IL17D: variants seen among roughly 807,000 people sequenced by gnomAD.
The protein encoded by IL17D is interleukin 17D, also known as interleukin-17D.
IL17D carries 10 observed loss-of-function variants against 5.7 expected under a neutral mutation model. The observed-to-expected ratio is 1.75, with a 90% confidence interval of 1.08 to 2.97. IL17D has a LOEUF of 2.97. IL17D is among the 30% of genes most tolerant of loss of function. The probability of loss-of-function intolerance (pLI) is 0.00; values close to 1 mark genes in which losing one functional copy is unlikely to be tolerated. For missense variants in IL17D, 354 were observed against 292.7 expected (o/e 1.21, Z -1.53); for synonymous variants, 172 against 141.7 (o/e 1.21, Z -1.52).
At chr13:20,719,697 G>T (rs148115568) in intron 1 of IL17D, among the ~76,000 whole-genome samples, 1 of 152,202 alleles carries the variant, frequency 6.6e-6, no homozygotes, top group Non-Finnish European at 1.5e-5. Context: ...AAAATGAACA[G>T]ACACGACACT....
At chr13:20,718,729 T>C (rs764405840) in intron 1 of IL17D, among the ~76,000 whole-genome samples, 1 of 52,040 alleles carries the variant, frequency 1.9e-5, no homozygotes, top group African/African-American at 6.4e-5. Flanking sequence ...CTTACACACA[T>C]GGCTACGCTC....
chr13:20,721,525 C>T, intron 1 of IL17D, 111 bp from the exon 2 acceptor site: 1 of 854,242 alleles, frequency 1.2e-6, no homozygotes, highest in Non-Finnish European at 1.7e-6. Context: ...CGCCCGCAGG[C>T]GGAGGACAGG....
intron 1 of IL17D, 29 bp downstream of exon 1, chr13:20,704,320 C>T: frequency 1.8e-6 from 2 of 1,122,470 alleles, no homozygotes; most frequent in Non-Finnish European, 2.2e-6. Context: ...CTGGCGGGGC[C>T]CGGCAGGTGG....
chr13:20,710,451 T>TA (rs60458842), intron 1 of IL17D, among the ~76,000 whole-genome samples: 979 of 83,468 alleles, frequency 0.012, 32 homozygotes, highest in African/African-American at 0.036. Context: ...CCATCTCTAC[T>TA]AAAAAAAAAA....
Position 20,704,119 on chromosome 13 carries a change from G to C in IL17D, c.118G>C (p.Glu40Gln). 7.6e-7 allele frequency: 1 copy of C among 1,313,010 alleles called. No homozygotes were observed. The highest frequency in any genetic ancestry group is 1.7e-5 in the South Asian group (1 of 59,778). The allele number at this position is 1,313,010 out of a possible 1,614,324, so 81.3% of individuals were successfully genotyped here. A position where few individuals can be genotyped will look rare whatever the true frequency, so the allele number is the denominator to read the frequency against. Residue 40 changes from glutamate to glutamine, a missense_variant, in exon 1 of 2, where the codon GAG becomes CAG. Coordinates refer to ENST00000682841, the MANE Select transcript of IL17D (RefSeq NM_001385224.1). ...CGCGGACCGGCCGGAGGAGCTACTGGAGCAGCTGTACGGGCGCCTGGCGGC... is the reference window on the plus strand; with the variant it reads ...CGCGGACCGGCCGGAGGAGCTACTGCAGCAGCTGTACGGGCGCCTGGCGGC... ...GCADRPEELL[E>Q]QLYGRLAAGV...
intron 1 of IL17D, among the ~76,000 whole-genome samples, chr13:20,706,084 C>T (rs921682805): frequency 2.6e-5 from 4 of 152,306 alleles, no homozygotes; most frequent in Non-Finnish European, 5.9e-5. Context: ...GGCTACTCTG[C>T]AGAGGACCAA....
chr13:20,713,809 A>G (rs1319440248), intron 1 of IL17D: 1 of 152,270 alleles, frequency 6.6e-6, no homozygotes. Context: ...CAATGAGCAC[A>G]CTGCTCACTA....
chr13:20,718,972 A>C (rs2058709644), intron 1 of IL17D, among the ~76,000 whole-genome samples: 1 of 142,148 alleles, frequency 7.0e-6, no homozygotes, highest in Non-Finnish European at 1.5e-5. Flanking sequence ...GCCCACGCTC[A>C]GACACACCTG....
At chr13:20,715,084 C>T (rs1335899014) in intron 1 of IL17D, among the ~76,000 whole-genome samples, 4 of 152,190 alleles carry the variant, frequency 2.6e-5, no homozygotes, top group African/African-American at 9.7e-5. Flanking sequence ...TGGGCTTGCT[C>T]CAAAGGGAAA....
chr13:20,704,213 G>C lies in IL17D; in HGVS notation c.212G>C (p.Cys71Ser), dbSNP rs1239995896. 1.2e-5 allele frequency: 16 copies of C among 1,367,444 alleles called. No homozygotes were observed. The highest frequency in any genetic ancestry group is 1.5e-5 in the Non-Finnish European group (16 of 1,055,680). The allele number at this position is 1,367,444 out of a possible 1,614,324, so 84.7% of individuals were successfully genotyped here. A position where few individuals can be genotyped will look rare whatever the true frequency, so the allele number is the denominator to read the frequency against. The change falls in exon 1 of 2, where the codon TGC becomes TCC. Residue 71 changes from cysteine (C) to serine (S), a missense_variant. Cys to Ser is a moderately radical substitution (Grantham distance 112, BLOSUM62 -1). Coordinates refer to ENST00000682841, the MANE Select transcript of IL17D (RefSeq NM_001385224.1). ...GPREQARNAS[C>S]PAGGRPADRR... ...CGTGAGCAGGCGCGCAACGCGAGCT[G>C]CCCGGCAGGGGGCAGGCCCGCCGAC... is the stretch of plus-strand genomic sequence containing the variant.
rs1360208897 is a variant in IL17D at position 20,704,148 on chromosome 13, C to A, written c.147C>A (p.Gly49=). 29 of 1,353,942 alleles carry A rather than the reference C, an allele frequency of 2.1e-5. No individual in the cohort carries two copies. Among genetic ancestry groups the A allele is most frequent in the Admixed American group, 5.4e-5 (2 of 37,232 alleles). The allele number at this position is 1,353,942 out of a possible 1,614,324, so 83.9% of individuals were successfully genotyped here. ...AGCTGTACGGGCGCCTGGCGGCCGG[C>A]GTGCTCAGTGCCTTCCACCACACGC... ...LEQLYGRLAA[G]VLSAFHHTLQ... The change falls in exon 1 of 2, where the codon GGC becomes GGA. Residue 49 remains glycine, a synonymous_variant. Transcript: ENST00000682841.
At chr13:20,703,522 A>G, upstream of IL17D, 1 of 744,442 alleles carries the variant, frequency 1.3e-6, no homozygotes, top group Non-Finnish European at 1.6e-6. Context: ...GGGCGGGCGG[A>G]TGACGAGGCG....
At chr13:20,720,874 A>ACCCCCCCCCCCCCCCCCCCCCCCCCC (rs67735251) in intron 1 of IL17D, among the ~76,000 whole-genome samples, 4 of 75,716 alleles carry the variant, frequency 5.3e-5, no homozygotes, top group Admixed American at 1.6e-4. Context: ...CTCCCTCCCA[A>ACCCCCCCCCCCCCCCCCCCCCCCCCC]CCCCCCCCCC....
At chr13:20,718,520 AC>A (rs201656110) in intron 1 of IL17D, among the ~76,000 whole-genome samples, 2,946 of 42,692 alleles carry the variant, frequency 0.069, 169 homozygotes, top group African/African-American at 0.17. Context: ...AGACACACTT[AC>A]CCCCCACCCA....
intron 1 of IL17D, among the ~76,000 whole-genome samples, chr13:20,707,440 CAAAAAAAAAAAAAA>C (rs57118714): frequency 4.0e-5 from 3 of 75,832 alleles, no homozygotes; most frequent in African/African-American, 5.1e-5. Context: ...GAACTTGTCT[CAAAAAAAAAAAAAA>C]AAAAAAAAAA....
At chr13:20,717,560 G>A (rs1270238461) in intron 1 of IL17D, among the ~76,000 whole-genome samples, 2 of 152,168 alleles carry the variant, frequency 1.3e-5, no homozygotes, top group Admixed American at 1.3e-4. Flanking sequence ...CCAGGCCCCC[G>A]CTGGATCCTT....
rs1173694522 is a variant in IL17D at position 20,722,436 on chromosome 13, T to C, written c.*482T>C. 2 of 153,584 alleles carry C rather than the reference T, an allele frequency of 1.3e-5. No homozygotes were observed. Among genetic ancestry groups the C allele is most frequent in the African/African-American group, 4.8e-5 (2 of 41,550 alleles). 9.5% of individuals were successfully genotyped at this position (153,584 alleles called of 1,614,324 possible). On this transcript the variant is annotated 3_prime_UTR_variant, in exon 2 of 2. Coordinates refer to ENST00000682841, the MANE Select transcript of IL17D (RefSeq NM_001385224.1). ...GGCAGAGCTATTTTATATTATCAAA[T>C]GAGAGCTACTCTGTTACATTTCTTA...
In IL17D at chr13:20,722,070, C is replaced by A; in HGVS notation, c.*116C>A. 1 of 829,222 alleles carries A rather than the reference C, an allele frequency of 1.2e-6. No homozygotes were observed. Among genetic ancestry groups the A allele is most frequent in the East Asian group, 2.8e-5 (1 of 35,094 alleles). The allele number at this position is 829,222 out of a possible 1,614,324, so 51.4% of individuals were successfully genotyped here. A position where few individuals can be genotyped will look rare whatever the true frequency, so the allele number is the denominator to read the frequency against. ...GAGAGTGCACCGAGCAAACCAAGTG[C>A]CGGAGCACCAGCGCCGCCTTTCCAT... is the stretch of plus-strand genomic sequence containing the variant. On this transcript the variant is annotated 3_prime_UTR_variant, in exon 2 of 2. Transcript: ENST00000682841.
intron 1 of IL17D, among the ~76,000 whole-genome samples, chr13:20,715,174 C>T: frequency 6.6e-6 from 1 of 152,152 alleles, no homozygotes; most frequent in East Asian, 1.9e-4. Context: ...CTGGTCTATA[C>T]CAGGGCTGTC....
Sources: allele counts gnomAD v4.1 joint callset (sites outside exome capture counted in the v4.1 genomes callset), GRCh38; gene constraint gnomAD v4.1.1; transcripts MANE v1.5; gene names NCBI Gene and HGNC (gene_info 2026-07-23, HGNC 2026-07-21).